The following SLC4A4 variants were observed in gnomAD, a reference collection of about 807,000 sequenced individuals.
The protein encoded by SLC4A4 is solute carrier family 4 member 4.
A neutral mutation model predicts 111.5 loss-of-function variants in SLC4A4; 27 were observed. The observed-to-expected ratio is 0.24, with a 90% CI of 0.18 to 0.33. The LOEUF (loss-of-function observed/expected upper bound fraction) is 0.33. Among genes scored for constraint, SLC4A4 ranks in the 10% least tolerant of loss-of-function variants. The probability of loss-of-function intolerance (pLI) is 1.00; values close to 1 mark genes in which losing one functional copy is unlikely to be tolerated. For missense variants in SLC4A4, 909 were observed against 1,315.5 expected, an observed-to-expected ratio of 0.69 and a Z score of 4.78; for synonymous variants, 443 against 463.4, an observed-to-expected ratio of 0.96 and a Z score of 0.57.
intron 16 of SLC4A4, among the ~76,000 whole-genome samples, chr4:71,525,276 TTGAGATAC>T (rs1327495433): frequency 6.6e-6 from 1 of 152,170 alleles, no homozygotes; most frequent in East Asian, 1.9e-4. Context: ...ATTAGATTAA[TTGAGATAC>T]TGTCTAATTA....
At chr4:71,090,268 G>C (rs376375759) in intron 1 of SLC4A4, among the ~76,000 whole-genome samples, 7 of 152,136 alleles carry the variant, frequency 4.6e-5, no homozygotes, top group Non-Finnish European at 1.0e-4. Flanking sequence ...GGGTGGGAGT[G>C]ACCCAATTTT....
chr4:71,567,114 C>T (rs1737553572), intron 25 of SLC4A4, 31 bp downstream of exon 25: 1 of 1,546,170 alleles, frequency 6.5e-7, no homozygotes, highest in Non-Finnish European at 8.9e-7. Context: ...TTATGTTTTT[C>T]TGTGGGATAA....
chr4:71,157,357 C>A (rs1042021715), intron 2 of SLC4A4, among the ~76,000 whole-genome samples: 20 of 152,072 alleles, frequency 1.3e-4, no homozygotes, highest in African/African-American at 3.4e-4. Context: ...CATATTAATA[C>A]AATATATATT....
chr4:71,149,389 T>A (rs1223132852), intron 2 of SLC4A4, among the ~76,000 whole-genome samples: 2 of 152,070 alleles, frequency 1.3e-5, no homozygotes, highest in Non-Finnish European at 1.5e-5. Context: ...GGGGCATTGA[T>A]TAAAAAAGGT....
At chr4:71,418,746 C>A (rs71599999) in intron 7 of SLC4A4, among the ~76,000 whole-genome samples, 30,043 of 152,142 alleles carry the variant, frequency 0.2, 3,309 homozygotes, top group South Asian at 0.42. Context: ...TTAGCCTAAC[C>A]AACACTTAAA....
intron 2 of SLC4A4, among the ~76,000 whole-genome samples, chr4:71,139,946 C>T (rs2148965757): frequency 6.6e-6 from 1 of 151,774 alleles, no homozygotes; most frequent in Non-Finnish European, 1.5e-5. Flanking sequence ...AGAACTTAAT[C>T]CTTCTATCTA....
chr4:71,086,800 G>T (rs1200254652), intron 1 of SLC4A4, among the ~76,000 whole-genome samples: 1 of 151,980 alleles, frequency 6.6e-6, no homozygotes, highest in African/African-American at 2.4e-5. Context: ...TGCTGGATTC[G>T]GTTTGCCAGT....
intron 1 of SLC4A4, chr4:71,235,934 C>T: frequency 1.9e-6 from 1 of 519,254 alleles, no homozygotes; most frequent in Non-Finnish European, 2.5e-6. Context: ...ATTGTCGAAG[C>T]CGGGTTGCTG....
chr4:71,383,563 G>C (rs1472915947), intron 6 of SLC4A4, among the ~76,000 whole-genome samples: 1 of 152,126 alleles, frequency 6.6e-6, no homozygotes, highest in Non-Finnish European at 1.5e-5. Context: ...GAGTATATGG[G>C]ATCGCACCAT....
Position 71,419,174 on chromosome 4 carries a change from C to T in SLC4A4, c.808-21442C>T, listed in dbSNP as rs141619675. 7.5e-3 allele frequency among the ~76,000 whole-genome samples: 1,140 copies of T among 152,260 alleles called. 48 individuals are homozygous for T. In the East Asian group the frequency reaches 0.12, roughly 16 times the overall value. Reference sequence around the variant, plus strand: ...GACACACTTGAGGAGGCAGTCTGCCCGTTCTCAGATCTCCAGCTGCGTGCT... The same window carrying T: ...GACACACTTGAGGAGGCAGTCTGCCTGTTCTCAGATCTCCAGCTGCGTGCT... On this transcript the variant is annotated intron_variant, in intron 7 of 25. Coordinates refer to ENST00000264485, the MANE Select transcript of SLC4A4 (RefSeq NM_001098484.3).
intron 3 of SLC4A4, among the ~76,000 whole-genome samples, chr4:71,327,730 G>A (rs1727619025): frequency 6.6e-6 from 1 of 151,134 alleles, no homozygotes; most frequent in Non-Finnish European, 1.5e-5. Flanking sequence ...TATATTTACG[G>A]GGTACATGAG....
At chr4:71,307,567 C>T (rs1409285353) in intron 3 of SLC4A4, among the ~76,000 whole-genome samples, 3 of 152,126 alleles carry the variant, frequency 2.0e-5, no homozygotes, top group African/African-American at 4.8e-5. Flanking sequence ...CTTGTTAAAT[C>T]GTCAACAGCA....
chr4:71,346,004 A>T (rs1027701449), intron 4 of SLC4A4, among the ~76,000 whole-genome samples: 1 of 152,088 alleles, frequency 6.6e-6, no homozygotes, highest in Non-Finnish European at 1.5e-5. Context: ...CAATAGTTGT[A>T]CGTAGTTGGA....
intron 6 of SLC4A4, among the ~76,000 whole-genome samples, chr4:71,381,417 G>C (rs771831998): frequency 1.3e-5 from 2 of 152,112 alleles, no homozygotes; most frequent in Non-Finnish European, 2.9e-5. Context: ...TACCCAGATA[G>C]TGGCTCAGGT....
intron 7 of SLC4A4, among the ~76,000 whole-genome samples, chr4:71,404,174 A>G (rs1720629439): frequency 6.6e-6 from 1 of 152,144 alleles, no homozygotes; most frequent in South Asian, 2.1e-4. Context: ...GAGTAATTAT[A>G]TTTGCACCTG....
At chr4:71,241,906 G>A (rs932515529) in intron 2 of SLC4A4, among the ~76,000 whole-genome samples, 13 of 152,170 alleles carry the variant, frequency 8.5e-5, no homozygotes, top group African/African-American at 3.1e-4. Context: ...TTCTCCTCAT[G>A]GCCTCAGCTG....
chr4:71,364,098 T>C (rs916098800), intron 6 of SLC4A4, among the ~76,000 whole-genome samples: 41 of 152,192 alleles, frequency 2.7e-4, no homozygotes, highest in African/African-American at 9.9e-4. Context: ...CCACTCTTTA[T>C]AGCAATGAAG....
chr4:71,403,336 TGTTCTTA>T (rs1560476597), intron 7 of SLC4A4, among the ~76,000 whole-genome samples: 1 of 152,176 alleles, frequency 6.6e-6, no homozygotes, highest in Non-Finnish European at 1.5e-5. Context: ...TGCTAGAAAA[TGTTCTTA>T]GTTGTGGGTT....
chr4:71,233,612 A>G (rs1719591013), intron 1 of SLC4A4, among the ~76,000 whole-genome samples: 1 of 151,994 alleles, frequency 6.6e-6, no homozygotes, highest in Non-Finnish European at 1.5e-5. Context: ...TGGTTTCCTA[A>G]TTTTTATCTC....
Sources: allele counts gnomAD v4.1 joint callset (sites outside exome capture counted in the v4.1 genomes callset), GRCh38; gene constraint gnomAD v4.1.1; transcripts MANE v1.5; gene names NCBI Gene and HGNC (gene_info 2026-07-23, HGNC 2026-07-21).